The following F8 variants were observed in gnomAD, a reference collection of about 807,000 sequenced individuals.
F8 encodes the protein antihemophilic factor.
In F8, 12 loss-of-function variants were observed where a neutral mutation model predicts 140.6. That is an observed-to-expected ratio of 0.09 (90% CI 0.05 to 0.14). The LOEUF is 0.14. Among genes scored for constraint, F8 ranks in the 10% least tolerant of loss-of-function variants. The pLI, the probability that F8 is intolerant of heterozygous loss-of-function variation, is 1.00. For synonymous variants in F8, 585 were observed against 614.6 expected, an observed-to-expected ratio of 0.95 and a Z score of 0.71; for missense variants, 1,354 against 1,720.7, an observed-to-expected ratio of 0.79 and a Z score of 3.77.
intron 13 of F8, among the ~76,000 whole-genome samples, chrX:154,942,697 G>T (rs1340733877): frequency 9.1e-6 from 1 of 109,971 alleles, no homozygotes; most frequent in African/African-American, 3.3e-5. Context: ...TACCAAAGCC[G>T]GGCAGAGACA....
At chrX:155,008,350 A>G (rs1363652491) in intron 1 of F8, among the ~76,000 whole-genome samples, 7 of 112,189 alleles carry the variant, frequency 6.2e-5, no homozygotes, top group Non-Finnish European at 1.1e-4. Flanking sequence ...TGGGACCCGC[A>G]GCAGAAAGGC....
intron 5 of F8, among the ~76,000 whole-genome samples, chrX:154,986,774 A>G (rs1467599086): frequency 3.6e-5 from 4 of 111,456 alleles, no homozygotes; most frequent in Non-Finnish European, 7.5e-5. Context: ...AGGAGGAGGA[A>G]GAGGCGGAGG....
At position 154,952,381 on chromosome X, in the gene F8, A is replaced by G. The variant is rs782616973; in HGVS notation, c.1903+1511T>C. Among the ~76,000 whole-genome samples the G allele has an allele frequency of 8.9e-5, 10 of 111,772 alleles. No homozygotes were observed. The South Asian group carries it at 3.4e-3, about 38-fold the overall frequency. On this transcript the variant is annotated intron_variant, in intron 12 of 25. Transcript: ENST00000360256. Reference sequence around the variant, plus strand: ...GGACTTTAACTCTGGAGAATAATATATCACTATTACTAGAAATTCAAGCTA... The same window carrying G: ...GGACTTTAACTCTGGAGAATAATATGTCACTATTACTAGAAATTCAAGCTA...
At chrX:155,013,101 G>C (rs1418742061) in intron 1 of F8, among the ~76,000 whole-genome samples, 3 of 89,542 alleles carry the variant, frequency 3.4e-5, no homozygotes, top group Admixed American at 1.4e-4. Flanking sequence ...AGCCGAGATC[G>C]CACCACTGCA....
chrX:154,992,752 G>A (rs188915223), intron 4 of F8, among the ~76,000 whole-genome samples, 184 bp downstream of exon 4: 9 of 112,454 alleles, frequency 8.0e-5, no homozygotes, highest in African/African-American at 2.6e-4. Flanking sequence ...AGTTTATTGT[G>A]GTTATATAGA....
intron 22 of F8, among the ~76,000 whole-genome samples, chrX:154,867,500 A>G: frequency 9.1e-6 from 1 of 109,435 alleles, no homozygotes; most frequent in South Asian, 3.9e-4. Flanking sequence ...AGCCTGGCCA[A>G]CAAGGTGAAA....
chrX:154,934,349 C>G (rs1026312759), intron 13 of F8, among the ~76,000 whole-genome samples: 1 of 111,692 alleles, frequency 9.0e-6, no homozygotes. Flanking sequence ...TTCAGCCTCC[C>G]AAAGTGCTGG....
chrX:154,928,603 C>G lies in F8; in HGVS notation c.5187G>C (p.Gly1729=). 1 of 1,211,282 alleles carries G rather than the reference C, an allele frequency of 8.3e-7. No individual in the cohort carries two copies. The highest frequency in any genetic ancestry group is 1.1e-6 in the Non-Finnish European group (1 of 894,990). ...TTAGAACATGTGGGGAGCTACTCATCCCATAATCCCAGAGCCTCTCCACTG... is the reference window on the plus strand; with the variant it reads ...TTAGAACATGTGGGGAGCTACTCATGCCATAATCCCAGAGCCTCTCCACTG... The part of the protein sequence containing the change: ...IAAVERLWDY[G]MSSSPHVLRN... The change falls in exon 14 of 26, where the codon GGG becomes GGC. Residue 1729 remains glycine, a synonymous_variant. Transcript: ENST00000360256.
At chrX:154,990,685 T>C (rs1327798928) in intron 4 of F8, among the ~76,000 whole-genome samples, 2 of 111,747 alleles carry the variant, frequency 1.8e-5, no homozygotes, top group Non-Finnish European at 3.8e-5. Context: ...CAGTGTGTTA[T>C]TTATGGGACG....
intron 22 of F8, chrX:154,885,323 G>C: frequency 1.1e-6 from 1 of 927,104 alleles, no homozygotes; most frequent in South Asian, 2.2e-5. Flanking sequence ...GGACATGGTG[G>C]TTCACAACGA....
chrX:154,841,877 A>G (rs1383753707), intron 25 of F8, among the ~76,000 whole-genome samples: 6 of 111,291 alleles, frequency 5.4e-5, no homozygotes, highest in Non-Finnish European at 9.4e-5. Flanking sequence ...CTTCCTTTCT[A>G]ATATTGTTCT....
At chrX:154,940,819 G>A (rs1361627536) in intron 13 of F8, among the ~76,000 whole-genome samples, 3 of 112,043 alleles carry the variant, frequency 2.7e-5, no homozygotes, top group Admixed American at 9.5e-5. Flanking sequence ...CTGATCTTTC[G>A]GCAGAAACTC....
chrX:154,887,717 TAGAATC>T lies in F8; in HGVS notation c.6429+8354_6429+8359del, dbSNP rs1414152743. ...CCAGCACCCCGAGAACACATTTTGA[TAGAATC>T]AGAGTAGAGGACATGGCTGTCTTCT... On this transcript the variant is annotated intron_variant, in intron 22 of 25. Coordinates refer to ENST00000360256, the MANE Select transcript of F8 (RefSeq NM_000132.4). 3 of 489,755 alleles carry T rather than the reference TAGAATC, an allele frequency of 6.1e-6. No individual in the cohort carries two copies. In the African/African-American group the frequency reaches 8.6e-5, roughly 14 times the overall value. 40.4% of individuals were successfully genotyped at this position (489,755 alleles called of 1,213,427 possible).
At chrX:154,856,792 T>A (rs782027968) in intron 25 of F8, among the ~76,000 whole-genome samples, 15 of 111,911 alleles carry the variant, frequency 1.3e-4, no homozygotes, top group Non-Finnish European at 2.4e-4. Context: ...AGAATAAATG[T>A]GCACTGAAGA....
rs781965215 is a variant in F8 at position 154,860,722 on chromosome X, C to T, written c.6724-114G>A. On this transcript the variant is annotated intron_variant, in intron 24 of 25. Transcript: ENST00000360256. The stretch of plus-strand genomic sequence containing the variant: ...TCTCACTCTACTTTCTTTTTTGAGA[C>T]GGAGTCTTGCTCTGTCACCCAGGCT... 3.8e-4 allele frequency: 270 copies of T among 715,877 alleles called. No homozygotes were observed. In the South Asian group the frequency reaches 5.0e-3, roughly 13 times the overall value. 59.0% of individuals were successfully genotyped at this position (715,877 alleles called of 1,213,427 possible). A position where few individuals can be genotyped will look rare whatever the true frequency, so the allele number is the denominator to read the frequency against.
chrX:154,980,586 C>T (rs192443969), intron 6 of F8, among the ~76,000 whole-genome samples: 29 of 112,158 alleles, frequency 2.6e-4, no homozygotes, highest in Admixed American at 2.4e-3. Flanking sequence ...CCTGTCTACA[C>T]ATTGAAGAAT....
intron 22 of F8, chrX:154,886,024 T>G (rs1254368667): frequency 2.2e-6 from 1 of 465,030 alleles, no homozygotes; most frequent in Non-Finnish European, 3.0e-6. Context: ...GTCACGAGTT[T>G]CGTTTGGGTC....
At chrX:154,842,033 T>C (rs1557271369) in intron 25 of F8, among the ~76,000 whole-genome samples, 1 of 112,144 alleles carries the variant, frequency 8.9e-6, no homozygotes, top group Non-Finnish European at 1.9e-5. Flanking sequence ...TGTAGCCATC[T>C]GGATCTGGAT....
chrX:154,929,845 C>T lies in F8; in HGVS notation c.3945G>A (p.Arg1315=). 8.3e-7 allele frequency: 1 copy of T among 1,211,458 alleles called. No homozygotes were observed. The highest frequency in any genetic ancestry group is 1.1e-6 in the Non-Finnish European group (1 of 895,296). Residue 1315 remains arginine, a synonymous_variant, in exon 14 of 26, where the codon AGG becomes AGA. Coordinates refer to ENST00000360256, the MANE Select transcript of F8 (RefSeq NM_000132.4). ...QIVEKYACTT[R]ISPNTSQQNF... is the part of the protein sequence containing the mutation. ...TCTGCTGGCTTGTATTAGGAGATATCCTTGTGGTGCATGCATATTTCTCTA... is the reference window on the plus strand; with the variant it reads ...TCTGCTGGCTTGTATTAGGAGATATTCTTGTGGTGCATGCATATTTCTCTA...
Sources: allele counts gnomAD v4.1 joint callset (sites outside exome capture counted in the v4.1 genomes callset), GRCh38; gene constraint gnomAD v4.1.1; transcripts MANE v1.5; gene names NCBI Gene and HGNC (gene_info 2026-07-23, HGNC 2026-07-21).